COLGALT1: variants seen among roughly 807,000 people sequenced by gnomAD.
COLGALT1 encodes the protein procollagen galactosyltransferase 1.
Under a neutral mutation model 60.8 loss-of-function variants are expected in COLGALT1, and 43 were observed. That is an observed-to-expected ratio of 0.71 (90% CI 0.55 to 0.91). The LOEUF (loss-of-function observed/expected upper bound fraction) is 0.91. COLGALT1 is among the 40% of genes least tolerant of loss of function. COLGALT1 has a pLI of 0.00. For synonymous variants in COLGALT1, 369 were observed against 374.2 expected, an observed-to-expected ratio of 0.99 and a Z score of 0.16; for missense variants, 845 against 880.0, an observed-to-expected ratio of 0.96 and a Z score of 0.50.
At chr19:17,562,585 C>G (rs1356547666) in intron 3 of COLGALT1, among the ~76,000 whole-genome samples, 1 of 151,970 alleles carries the variant, frequency 6.6e-6, no homozygotes, top group Admixed American at 6.6e-5. Context: ...TGTCTTGAAC[C>G]CGGGAGGCAG....
intron 3 of COLGALT1, 45 bp downstream of exon 3, chr19:17,560,510 G>A: frequency 1.3e-6 from 2 of 1,501,134 alleles, no homozygotes; most frequent in Middle Eastern, 1.7e-4. Context: ...GCAGGTCTGG[G>A]TATCCCCAGG....
intron 3 of COLGALT1, among the ~76,000 whole-genome samples, chr19:17,563,754 G>A (rs932825353): frequency 1.3e-5 from 2 of 152,014 alleles, no homozygotes; most frequent in African/African-American, 4.8e-5. Flanking sequence ...TCCTCCCAAA[G>A]TACTACTGGG....
chr19:17,580,358 T>G, intron 10 of COLGALT1: 1 of 404,986 alleles, frequency 2.5e-6, no homozygotes, highest in Non-Finnish European at 4.6e-6. Flanking sequence ...CACCCCTCCA[T>G]TCCTGACTGC....
intron 4 of COLGALT1, among the ~76,000 whole-genome samples, chr19:17,567,776 TAA>T (rs10708878): frequency 6.3e-5 from 9 of 141,936 alleles, no homozygotes; most frequent in African/African-American, 7.8e-5. Context: ...CCATCTCTAC[TAA>T]AAAAAAAAAA....
At position 17,577,350 on chromosome 19, in the gene COLGALT1, C is replaced by A; in HGVS notation, c.1027-11C>A. ...AGGGGCTGATCTGGCTGGGGACTCT[C>A]CGGGCTGCAGGTCTTCATGATCAAC... On this transcript the variant is annotated splice_polypyrimidine_tract_variant and intron_variant, in intron 7 of 11. Transcript: ENST00000252599. The A allele has an allele frequency of 1.9e-6, 3 of 1,603,876 alleles. No homozygotes were observed. The highest frequency in any genetic ancestry group is 2.2e-5 in the East Asian group (1 of 44,538).
chr19:17,557,394 G>A (rs150954540), intron 1 of COLGALT1, among the ~76,000 whole-genome samples: 2,060 of 151,920 alleles, frequency 0.014, 34 homozygotes, highest in African/African-American at 0.042. Flanking sequence ...CTCCGCCTCC[G>A]GGTTCAAGTG....
intron 5 of COLGALT1, 76 bp downstream of exon 5, chr19:17,568,789 C>A: frequency 1.5e-6 from 2 of 1,371,894 alleles, no homozygotes; most frequent in Non-Finnish European, 2.1e-6. Context: ...CAGTTCAGAA[C>A]ACACTGAAGA....
At chr19:17,560,210 A>T in intron 2 of COLGALT1, 138 bp from the exon 3 acceptor site, 38 of 610,446 alleles carry the variant, frequency 6.2e-5, no homozygotes, top group East Asian at 1.2e-4. Flanking sequence ...CTCGTCGTTT[A>T]CTTTTTCCCA....
In COLGALT1 at chr19:17,572,506, A is replaced by G. The variant is rs367624139; in HGVS notation, c.853A>G (p.Lys285Glu). ...QAEVQMYVCN[K>E]EEYGFLPVPL... ...AGAGGTTCAGATGTATGTGTGCAAC[A>G]AGGAGGAGTACGGATTCTTGCCAGT... Residue 285 changes from lysine to glutamate, a missense_variant, in exon 6 of 12, where the codon AAG becomes GAG. Lys to Glu is a moderately conservative substitution (Grantham distance 56). Transcript: ENST00000252599. 1.1e-5 allele frequency: 18 copies of G among 1,614,146 alleles called. No individual in the cohort carries two copies. In the Admixed American group the frequency reaches 1.2e-4, roughly 10 times the overall value.
At chr19:17,574,039 C>T (rs1457648055) in intron 6 of COLGALT1, among the ~76,000 whole-genome samples, 1 of 151,938 alleles carries the variant, frequency 6.6e-6, no homozygotes, top group Non-Finnish European at 1.5e-5. Flanking sequence ...CAGCAGCCGT[C>T]CCTCTAAAAC....
chr19:17,578,991 CAA>C (rs901925564), intron 9 of COLGALT1, among the ~76,000 whole-genome samples: 3 of 151,844 alleles, frequency 2.0e-5, no homozygotes, highest in Non-Finnish European at 4.4e-5. Context: ...GCCTGGGCGA[CAA>C]GAGTGACACT....
intron 1 of COLGALT1, 48 bp from the exon 2 acceptor site, chr19:17,559,263 T>G: frequency 1.4e-6 from 2 of 1,400,190 alleles, no homozygotes; most frequent in South Asian, 2.5e-5. Context: ...TGCTGCCTGG[T>G]CCTGCCTCAG....
chr19:17,559,307 G>T lies in COLGALT1; in HGVS notation c.261-4G>T. The T allele has an allele frequency of 1.3e-6, 2 of 1,550,608 alleles. No individual in the cohort carries two copies. The highest frequency in any genetic ancestry group is 1.7e-6 in the Non-Finnish European group (2 of 1,145,972). On this transcript the variant is annotated splice_polypyrimidine_tract_variant and splice_region_variant and intron_variant, in intron 1 of 11. Transcript: ENST00000252599. ...AGTACGCTGCCTGTCCCCTCTCCCT[G>T]CAGGGTGGCTACGGACCACAACATG...
At chr19:17,572,441 G>A (rs374835079) in intron 5 of COLGALT1, 42 bp from the exon 6 acceptor site, 15 of 1,612,716 alleles carry the variant, frequency 9.3e-6, no homozygotes, top group African/African-American at 1.3e-5. Flanking sequence ...ACTGGGCCTC[G>A]CCTGTTTTTA....
chr19:17,569,279 A>T (rs2076297988), intron 5 of COLGALT1, among the ~76,000 whole-genome samples: 2 of 152,260 alleles, frequency 1.3e-5, no homozygotes, highest in South Asian at 4.1e-4. Flanking sequence ...ATGGAGCACA[A>T]GTGTAATTTT....
chr19:17,580,150 G>T, intron 10 of COLGALT1: 1 of 194,366 alleles, frequency 5.1e-6, no homozygotes, highest in Non-Finnish European at 1.1e-5. Flanking sequence ...CGAAGAGTGT[G>T]GGGGCGTGGC....
intron 11 of COLGALT1, 93 bp downstream of exon 11, chr19:17,580,998 T>C: frequency 6.7e-7 from 1 of 1,484,932 alleles, no homozygotes; most frequent in Non-Finnish European, 9.3e-7. Context: ...CGAGAAGATG[T>C]CTCTTCTTTT....
Position 17,580,687 on chromosome 19 carries a change from C to T in COLGALT1, c.1395-12C>T. 1 of 1,613,740 alleles carries T rather than the reference C, an allele frequency of 6.2e-7. No individual in the cohort carries two copies. Among genetic ancestry groups the T allele is most frequent in the Non-Finnish European group, 8.5e-7 (1 of 1,179,946 alleles). ...GCGGGAGGAGAGTGACAGGCCCGAT[C>T]TTGCACCCCAGCTATGTGGGCCGGA... On this transcript the variant is annotated splice_polypyrimidine_tract_variant and intron_variant, in intron 10 of 11. Transcript: ENST00000252599.
chr19:17,559,340 C>T lies in COLGALT1; in HGVS notation c.290C>T (p.Thr97Met), dbSNP rs1214999229. 24 of 1,552,514 alleles carry T rather than the reference C, an allele frequency of 1.5e-5. No homozygotes were observed. The highest frequency in any genetic ancestry group is 2.0e-5 in the Non-Finnish European group (23 of 1,147,400). The change falls in exon 2 of 12, where the codon ACG (threonine) becomes ATG (methionine). Residue 97 changes from threonine (T) to methionine (M), a missense_variant. Thr to Met is a moderately conservative substitution (Grantham distance 81, BLOSUM62 -1). Transcript: ENST00000252599. The part of the protein sequence containing the change: ...WVATDHNMDN[T>M]STVLREWLVA... ...GCTACGGACCACAACATGGATAACA[C>T]GTCAACTGTGCTGCGGGAGTGGCTG...
Sources: allele counts gnomAD v4.1 joint callset (sites outside exome capture counted in the v4.1 genomes callset), GRCh38; gene constraint gnomAD v4.1.1; transcripts MANE v1.5; gene names NCBI Gene and HGNC (gene_info 2026-07-23, HGNC 2026-07-21).